SGCZ: variants seen among roughly 807,000 people sequenced by gnomAD.
The protein encoded by SGCZ is sarcoglycan zeta, also known as zeta-sarcoglycan.
SGCZ carries 40 observed loss-of-function variants against 41.3 expected under a neutral mutation model. That is an observed-to-expected ratio of 0.97 (90% CI 0.75 to 1.26). SGCZ has a LOEUF of 1.26. Among genes scored for constraint, SGCZ ranks in the 50% most tolerant of loss-of-function variants. SGCZ has a pLI of 0.00. For missense variants in SGCZ, 552 were observed against 369.8 expected (o/e 1.49, Z -4.04); for synonymous variants, 206 against 137.5 (o/e 1.50, Z -3.49).
intron 1 of SGCZ, among the ~76,000 whole-genome samples, chr8:15,061,292 C>T (rs1289229033): frequency 6.6e-6 from 1 of 150,456 alleles, no homozygotes; most frequent in Non-Finnish European, 1.5e-5. Context: ...AACAGAAAAC[C>T]AAACACCACA....
rs367567602 is a variant in SGCZ at position 15,088,905 on chromosome 8, G to A, written c.39+148680C>T. Among the ~76,000 whole-genome samples the A allele has an allele frequency of 6.6e-5, 10 of 152,296 alleles. No homozygotes were observed. The East Asian group carries it at 1.9e-3, about 29-fold the overall frequency. On this transcript the variant is annotated intron_variant, in intron 1 of 7. Coordinates refer to ENST00000382080, the MANE Select transcript of SGCZ (RefSeq NM_139167.4). Reference sequence around the variant, plus strand: ...CTTTCCTTTTAGAAATTATAGGTAAGAGCCAGTATTTTAAATTTCTCATTT... The same window carrying A: ...CTTTCCTTTTAGAAATTATAGGTAAAAGCCAGTATTTTAAATTTCTCATTT...
At chr8:14,145,522 C>A (rs761361395) in intron 5 of SGCZ, among the ~76,000 whole-genome samples, 3 of 152,114 alleles carry the variant, frequency 2.0e-5, no homozygotes, top group African/African-American at 7.2e-5. Flanking sequence ...CTCTTCAATG[C>A]CCAGACACCA....
At chr8:15,067,509 T>C (rs1184406195) in intron 1 of SGCZ, among the ~76,000 whole-genome samples, 1 of 152,150 alleles carries the variant, frequency 6.6e-6, no homozygotes, top group Non-Finnish European at 1.5e-5. Flanking sequence ...GTCCCAGGAG[T>C]TAGGGCTCTT....
At chr8:15,057,425 T>C (rs990109859) in intron 1 of SGCZ, among the ~76,000 whole-genome samples, 1 of 152,188 alleles carries the variant, frequency 6.6e-6, no homozygotes, top group Non-Finnish European at 1.5e-5. Flanking sequence ...TTCAATACTA[T>C]TGCATACCAG....
At chr8:15,102,829 G>C (rs1806666195) in intron 1 of SGCZ, among the ~76,000 whole-genome samples, 1 of 152,052 alleles carries the variant, frequency 6.6e-6, no homozygotes, top group Non-Finnish European at 1.5e-5. Context: ...CATTTCTAAT[G>C]AATCTTATCA....
intron 1 of SGCZ, among the ~76,000 whole-genome samples, chr8:14,943,593 T>C (rs577221071): frequency 1.4e-4 from 21 of 152,288 alleles, no homozygotes; most frequent in Non-Finnish European, 2.8e-4. Flanking sequence ...ATTTGGGTTC[T>C]GGGGTACATG....
At chr8:15,101,648 C>T (rs145850014) in intron 1 of SGCZ, among the ~76,000 whole-genome samples, 4 of 152,200 alleles carry the variant, frequency 2.6e-5, no homozygotes, top group African/African-American at 7.2e-5. Context: ...TGGTAAAAAT[C>T]GGCCAGGAGC....
chr8:14,352,692 CT>C (rs1563274603), intron 2 of SGCZ, among the ~76,000 whole-genome samples: 1 of 152,084 alleles, frequency 6.6e-6, no homozygotes, highest in African/African-American at 2.4e-5. Flanking sequence ...TAGAAACTTT[CT>C]TTTCTCAACT....
At chr8:14,287,823 TC>T (rs1359832042) in intron 3 of SGCZ, among the ~76,000 whole-genome samples, 1 of 152,104 alleles carries the variant, frequency 6.6e-6, no homozygotes, top group Non-Finnish European at 1.5e-5. Context: ...GGGCAGTGAT[TC>T]CCAAGTAGCC....
chr8:14,925,832 G>C (rs562029972), intron 1 of SGCZ, among the ~76,000 whole-genome samples: 1 of 151,488 alleles, frequency 6.6e-6, no homozygotes, highest in Non-Finnish European at 1.5e-5. Context: ...AGGAAACTAA[G>C]GTCTGATAAG....
At chr8:14,240,571 C>T (rs982250398) in intron 3 of SGCZ, among the ~76,000 whole-genome samples, 1 of 151,580 alleles carries the variant, frequency 6.6e-6, no homozygotes. Flanking sequence ...TTAGTAGAAC[C>T]ATAAACGTGT....
rs563337788 is a variant in SGCZ at position 15,180,923 on chromosome 8, G to T, written c.39+56662C>A. ...AGAGAGGGAAAAAGACAGGATACCA[G>T]CACATAAACTGTATTTCATGGCAAA... is the stretch of plus-strand genomic sequence containing the variant. On this transcript the variant is annotated intron_variant, in intron 1 of 7. Transcript: ENST00000382080. 4.6e-5 allele frequency among the ~76,000 whole-genome samples: 7 copies of T among 151,422 alleles called. No homozygotes were observed. In the South Asian group the frequency reaches 1.3e-3, roughly 27 times the overall value.
intron 1 of SGCZ, among the ~76,000 whole-genome samples, chr8:15,166,382 G>A (rs7829209): frequency 0.016 from 2,475 of 151,810 alleles, 58 homozygotes; most frequent in African/African-American, 0.056. Flanking sequence ...TGGGTAGCTG[G>A]GACTACAGGC....
intron 1 of SGCZ, among the ~76,000 whole-genome samples, chr8:14,661,550 G>T (rs1013884428): frequency 6.6e-6 from 1 of 152,104 alleles, no homozygotes. Flanking sequence ...TTAGGTTAGG[G>T]TGTCAACAAT....
intron 1 of SGCZ, among the ~76,000 whole-genome samples, chr8:15,198,688 G>C (rs1001550048): frequency 6.6e-6 from 1 of 152,096 alleles, no homozygotes; most frequent in African/African-American, 2.4e-5. Flanking sequence ...CTACATTAAT[G>C]GCTGTTATTT....
chr8:14,276,486 T>G (rs1160816168), intron 3 of SGCZ, among the ~76,000 whole-genome samples: 1 of 152,156 alleles, frequency 6.6e-6, no homozygotes, highest in Non-Finnish European at 1.5e-5. Context: ...GATATATTTC[T>G]CTCCCATGGC....
At chr8:14,360,031 T>C (rs1803451883) in intron 2 of SGCZ, among the ~76,000 whole-genome samples, 2 of 152,160 alleles carry the variant, frequency 1.3e-5, no homozygotes, top group East Asian at 1.9e-4. Context: ...TTTCAGTTAA[T>C]GCTGAAAAAG....
intron 1 of SGCZ, among the ~76,000 whole-genome samples, chr8:15,140,315 G>A (rs781300815): frequency 7.9e-5 from 12 of 152,086 alleles, no homozygotes; most frequent in Non-Finnish European, 1.3e-4. Flanking sequence ...ATGAGCCACC[G>A]TGCCCAGTCA....
Position 15,015,753 on chromosome 8 carries a change from GT to G in SGCZ, c.39+221831del, listed in dbSNP as rs540610211. On this transcript the variant is annotated intron_variant, in intron 1 of 7. Transcript: ENST00000382080. The stretch of plus-strand genomic sequence containing the variant: ...TGTGTGTGTGTGTGTGTGTGTGTGT[GT>G]GTGTGTGTGTGTGTGTAGTTTAAGC... 5.9e-4 allele frequency among the ~76,000 whole-genome samples: 89 copies of G among 150,348 alleles called. 2 individuals are homozygous for G. In the East Asian group the frequency reaches 0.017, roughly 28 times the overall value.
Sources: allele counts gnomAD v4.1 joint callset (sites outside exome capture counted in the v4.1 genomes callset), GRCh38; gene constraint gnomAD v4.1.1; transcripts MANE v1.5; gene names NCBI Gene and HGNC (gene_info 2026-07-23, HGNC 2026-07-21).